The following FOXJ3 variants were observed in gnomAD, a reference collection of about 807,000 sequenced individuals.
The protein encoded by FOXJ3 is forkhead box J3.
Under a neutral mutation model 76.1 loss-of-function variants are expected in FOXJ3, and 22 were observed. The observed-to-expected ratio is 0.29, with a 90% CI of 0.21 to 0.41. The LOEUF (loss-of-function observed/expected upper bound fraction) is 0.41. Among genes scored for constraint, FOXJ3 ranks in the 10% least tolerant of loss-of-function variants. FOXJ3 has a pLI of 1.00. For missense variants in FOXJ3, 613 were observed against 762.1 expected, an observed-to-expected ratio of 0.80 and a Z score of 2.30; for synonymous variants, 269 against 261.2, an observed-to-expected ratio of 1.03 and a Z score of -0.29.
intron 2 of FOXJ3, 132 bp from the exon 3 acceptor site, chr1:42,278,804 T>C (rs557620428): frequency 9.6e-5 from 62 of 645,918 alleles, no homozygotes; most frequent in African/African-American, 9.2e-4. Flanking sequence ...AAAGATTGAG[T>C]ATGTTAATGA....
chr1:42,197,436 T>C (rs562274429), intron 7 of FOXJ3, among the ~76,000 whole-genome samples: 8 of 152,334 alleles, frequency 5.3e-5, no homozygotes, highest in Non-Finnish European at 1.0e-4. Flanking sequence ...TAACTACTTA[T>C]GAAATTTTAA....
rs371666227 is a variant in FOXJ3, at chr1:42,189,371, A to G, written c.1385T>C (p.Met462Thr). The change falls in exon 10 of 13, where the codon ATG (methionine) becomes ACG (threonine). Residue 462 changes from methionine to threonine, a missense_variant. Physicochemically the swap from Met to Thr is moderately conservative, Grantham distance 81. Transcript: ENST00000361346. ...GGCAATTCGACAGCTTTCTTTTAGC[A>G]TATCAAGTGTCGCATACCAATCATT... ...VSNDWYATLD[M>T]LKESCRIASS... 20 of 1,613,256 alleles carry G rather than the reference A, an allele frequency of 1.2e-5. No individual in the cohort carries two copies. The highest frequency in any genetic ancestry group is 1.5e-5 in the Non-Finnish European group (18 of 1,179,374).
chr1:42,286,309 C>T (rs1361371691), intron 2 of FOXJ3, among the ~76,000 whole-genome samples: 34 of 151,932 alleles, frequency 2.2e-4, no homozygotes, highest in Admixed American at 2.1e-3. Flanking sequence ...GTATAATTTC[C>T]GCAAAATAAG....
intron 2 of FOXJ3, among the ~76,000 whole-genome samples, chr1:42,290,775 C>T (rs1653365859): frequency 6.6e-6 from 1 of 152,102 alleles, no homozygotes; most frequent in African/African-American, 2.4e-5. Flanking sequence ...TACTCAACCC[C>T]TCCCATGTGC....
intron 5 of FOXJ3, among the ~76,000 whole-genome samples, chr1:42,227,669 A>T (rs1322170128): frequency 6.6e-6 from 1 of 152,230 alleles, no homozygotes; most frequent in African/African-American, 2.4e-5. Flanking sequence ...CGCCCTAATT[A>T]TGACAAAACC....
chr1:42,253,495 C>CAGG, intron 4 of FOXJ3, among the ~76,000 whole-genome samples: 1 of 150,758 alleles, frequency 6.6e-6, no homozygotes, highest in African/African-American at 2.4e-5. Flanking sequence ...AAAAAGAGCC[C>CAGG]GTGTTGCCAA....
chr1:42,190,015 A>G (rs773955357), intron 9 of FOXJ3, among the ~76,000 whole-genome samples: 7 of 152,216 alleles, frequency 4.6e-5, no homozygotes, highest in Non-Finnish European at 1.0e-4. Flanking sequence ...TAGCGAAGGA[A>G]GAAGGGTGAG....
At position 42,263,297 on chromosome 1, in the gene FOXJ3, A is replaced by AT. The variant is rs569680023; in HGVS notation, c.444+1817dup. ...AAGCATTCATGTGTACTGATTTTTA[A>AT]TTTTTTTTAATTATTTCAAATTCAT... is the stretch of plus-strand genomic sequence containing the variant. On this transcript the variant is annotated intron_variant, in intron 4 of 12. Transcript: ENST00000361346. Among the ~76,000 whole-genome samples the AT allele has an allele frequency of 4.3e-3, 660 of 152,144 alleles. 4 individuals carry two copies. Among genetic ancestry groups the AT allele is most frequent in the Non-Finnish European group, 7.9e-3 (534 of 67,968 alleles).
intron 3 of FOXJ3, among the ~76,000 whole-genome samples, chr1:42,268,167 G>A (rs1027788885): frequency 2.0e-5 from 3 of 151,898 alleles, no homozygotes; most frequent in Admixed American, 6.6e-5. Flanking sequence ...ATTAATTACA[G>A]TGAAAGGGCT....
chr1:42,233,958 A>T (rs1648367349), intron 4 of FOXJ3, among the ~76,000 whole-genome samples: 1 of 152,060 alleles, frequency 6.6e-6, no homozygotes, highest in South Asian at 2.1e-4. Context: ...TATTATTTTG[A>T]GATATGTACC....
At chr1:42,271,545 A>G (rs1162084858) in intron 3 of FOXJ3, among the ~76,000 whole-genome samples, 6 of 152,136 alleles carry the variant, frequency 3.9e-5, no homozygotes, top group Admixed American at 2.6e-4. Flanking sequence ...AAGTAGCACA[A>G]TACACCCACA....
intron 1 of FOXJ3, among the ~76,000 whole-genome samples, chr1:42,319,699 A>G (rs909779450): frequency 2.0e-5 from 3 of 152,214 alleles, no homozygotes; most frequent in Non-Finnish European, 4.4e-5. Flanking sequence ...AGGAAAAAAA[A>G]TAAGTTCAGA....
At chr1:42,310,989 G>A in intron 2 of FOXJ3, 61 bp downstream of exon 2, 2 of 962,238 alleles carry the variant, frequency 2.1e-6, no homozygotes, top group Non-Finnish European at 3.2e-6. Flanking sequence ...AATATGAGGT[G>A]ACCAGTCTAA....
At chr1:42,217,520 T>A (rs1484470162) in intron 5 of FOXJ3, among the ~76,000 whole-genome samples, 1 of 150,924 alleles carries the variant, frequency 6.6e-6, no homozygotes, top group Non-Finnish European at 1.5e-5. Context: ...AGGGCAAGAC[T>A]CCGCCTCAAA....
intron 4 of FOXJ3, among the ~76,000 whole-genome samples, chr1:42,237,548 G>A (rs1236544552): frequency 6.7e-6 from 1 of 150,274 alleles, no homozygotes; most frequent in African/African-American, 2.4e-5. Context: ...ATTTCTATGT[G>A]AATATGTACT....
intron 4 of FOXJ3, among the ~76,000 whole-genome samples, chr1:42,254,812 T>G: frequency 7.8e-6 from 1 of 128,860 alleles, no homozygotes; most frequent in Non-Finnish European, 1.6e-5. Context: ...TGGGGACTGT[T>G]GTGGGGTGGG....
At chr1:42,259,088 T>G (rs983474137) in intron 4 of FOXJ3, among the ~76,000 whole-genome samples, 1 of 152,204 alleles carries the variant, frequency 6.6e-6, no homozygotes, top group Non-Finnish European at 1.5e-5. Flanking sequence ...ACTGCTGATA[T>G]GCACAACGAC....
intron 11 of FOXJ3, among the ~76,000 whole-genome samples, chr1:42,187,423 G>C (rs1481753910): frequency 6.6e-6 from 1 of 152,178 alleles, no homozygotes; most frequent in African/African-American, 2.4e-5. Flanking sequence ...AAAAAACAGA[G>C]AGAGGTGGTA....
At chr1:42,210,747 C>A (rs1028516860) in intron 5 of FOXJ3, among the ~76,000 whole-genome samples, 2 of 152,134 alleles carry the variant, frequency 1.3e-5, no homozygotes, top group African/African-American at 2.4e-5. Flanking sequence ...TCCCTTCCCA[C>A]CCCCATCAGA....
Sources: allele counts gnomAD v4.1 joint callset (sites outside exome capture counted in the v4.1 genomes callset), GRCh38; gene constraint gnomAD v4.1.1; transcripts MANE v1.5; gene names NCBI Gene and HGNC (gene_info 2026-07-23, HGNC 2026-07-21).